Variants in NFXL1 observed in about 807,000 individuals in gnomAD.
NFXL1 encodes the protein nuclear transcription factor, X-box binding like 1, also known as NF-X1-type zinc finger protein NFXL1.
Under a neutral mutation model 123.3 loss-of-function variants are expected in NFXL1, and 66 were observed. The observed-to-expected ratio is 0.54, with a 90% CI of 0.44 to 0.66. NFXL1 has a LOEUF of 0.66. NFXL1 is among the 30% of genes least tolerant of loss of function. The pLI, the probability that NFXL1 is intolerant of heterozygous loss-of-function variation, is 0.00. For synonymous variants in NFXL1, 346 were observed against 360.8 expected, an observed-to-expected ratio of 0.96 and a Z score of 0.46; for missense variants, 944 against 1,125.6, an observed-to-expected ratio of 0.84 and a Z score of 2.31.
At chr4:47,899,923 A>G (rs1294909549) in intron 5 of NFXL1, among the ~76,000 whole-genome samples, 3 of 152,238 alleles carry the variant, frequency 2.0e-5, no homozygotes, top group Non-Finnish European at 2.9e-5. Flanking sequence ...TAAACAGCAC[A>G]TATCTAGAAT....
At chr4:47,906,619 C>T (rs140842591) in intron 3 of NFXL1, among the ~76,000 whole-genome samples, 169 of 152,074 alleles carry the variant, frequency 1.1e-3, no homozygotes, top group Middle Eastern at 0.01. Context: ...TAGTATGGGG[C>T]GCCTATTTTG....
chr4:47,913,055 C>T (rs1362285907), intron 2 of NFXL1, among the ~76,000 whole-genome samples: 1 of 149,264 alleles, frequency 6.7e-6, no homozygotes, highest in Non-Finnish European at 1.5e-5. Flanking sequence ...CCTGTTCACA[C>T]GTCTCCATAT....
intron 22 of NFXL1, among the ~76,000 whole-genome samples, chr4:47,850,411 G>A (rs968736321): frequency 4.6e-5 from 7 of 152,040 alleles, no homozygotes; most frequent in African/African-American, 1.7e-4. Context: ...CATAAAGGCA[G>A]TAGCTTAGCA....
chr4:47,895,303 T>C (rs916093248), intron 10 of NFXL1, among the ~76,000 whole-genome samples: 1 of 152,196 alleles, frequency 6.6e-6, no homozygotes, highest in African/African-American at 2.4e-5. Flanking sequence ...ATCAGCTACA[T>C]TAGCCCTTAA....
At chr4:47,892,868 A>C (rs79485151) in intron 11 of NFXL1, among the ~76,000 whole-genome samples, 3 of 152,198 alleles carry the variant, frequency 2.0e-5, no homozygotes, top group Admixed American at 1.3e-4. Context: ...ACATAACCCC[A>C]AAAAAGCAGA....
chr4:47,907,052 C>A (rs890337716), intron 3 of NFXL1, among the ~76,000 whole-genome samples: 1 of 152,196 alleles, frequency 6.6e-6, no homozygotes, highest in Non-Finnish European at 1.5e-5. Context: ...ATCTACCTCA[C>A]AATTATCATA....
At chr4:47,878,696 A>T (rs950044285) in intron 16 of NFXL1, 31 bp from the exon 17 acceptor site, 1 of 1,447,494 alleles carries the variant, frequency 6.9e-7, no homozygotes, top group Non-Finnish European at 9.1e-7. Flanking sequence ...AGCACAGCAC[A>T]CATTACTCAA....
chr4:47,905,821 A>AAGAC (rs1737545042), intron 3 of NFXL1, among the ~76,000 whole-genome samples: 1 of 152,138 alleles, frequency 6.6e-6, no homozygotes, highest in African/African-American at 2.4e-5. Flanking sequence ...GTTGAATGAA[A>AAGAC]AGACCCTGAG....
chr4:47,869,359 G>A (rs74777537), intron 18 of NFXL1, among the ~76,000 whole-genome samples: 2,590 of 152,134 alleles, frequency 0.017, 74 homozygotes, highest in African/African-American at 0.059. Flanking sequence ...CTGATTTTAC[G>A]ATATTACATC....
At chr4:47,878,690 C>T (rs376898100) in intron 16 of NFXL1, 25 bp from the exon 17 acceptor site, 11 of 1,480,596 alleles carry the variant, frequency 7.4e-6, no homozygotes, top group East Asian at 4.9e-5. Context: ...GAAATCAGCA[C>T]AGCACACATT....
chr4:47,858,204 A>G (rs1734518293), intron 19 of NFXL1, among the ~76,000 whole-genome samples: 1 of 152,206 alleles, frequency 6.6e-6, no homozygotes, highest in Admixed American at 6.5e-5. Flanking sequence ...AAAAATAAAA[A>G]ATGCTGACCA....
At chr4:47,878,817 C>T (rs897355161) in intron 16 of NFXL1, 152 bp from the exon 17 acceptor site, 6 of 556,778 alleles carry the variant, frequency 1.1e-5, no homozygotes, top group Middle Eastern at 5.9e-4. Flanking sequence ...ATCAAAGTAA[C>T]CTGTCAAAAT....
intron 22 of NFXL1, among the ~76,000 whole-genome samples, chr4:47,850,506 T>A (rs904163375): frequency 2.0e-5 from 3 of 152,016 alleles, no homozygotes; most frequent in Non-Finnish European, 4.4e-5. Context: ...TATTAGAAAG[T>A]CAAGCCACTC....
chr4:47,910,976 T>G lies in NFXL1; in HGVS notation c.254A>C (p.Lys85Thr). 6.3e-7 allele frequency: 1 copy of G among 1,597,588 alleles called. No homozygotes were observed. The highest frequency in any genetic ancestry group is 8.5e-7 in the Non-Finnish European group (1 of 1,173,538). ...GTTAGCTTTCTTGATTTCTTCAAAT[T>G]TTTTCTGAGACATTAGCTCTGTTTA... is the stretch of plus-strand genomic sequence containing the variant. Reference protein sequence around the residue: ...TAASELMSQKKFEEIKKANQA... With the variant: ...TAASELMSQKTFEEIKKANQA... Residue 85 changes from lysine (K) to threonine (T), a missense_variant, in exon 3 of 23, where the codon AAA becomes ACA. This residue lies in a region of NFXL1 where 303 missense variants were observed against 292.1 expected (regional missense o/e 1.04). Coordinates refer to ENST00000507489, the MANE Select transcript of NFXL1 (RefSeq NM_001278624.2).
intron 18 of NFXL1, among the ~76,000 whole-genome samples, chr4:47,866,547 CA>C (rs796511550): frequency 6.6e-6 from 1 of 152,078 alleles, no homozygotes; most frequent in South Asian, 2.1e-4. Context: ...ATCTCCCACC[CA>C]AAAAAAGAAG....
At chr4:47,884,897 C>G (rs1406449876) in intron 14 of NFXL1, among the ~76,000 whole-genome samples, 2 of 151,986 alleles carry the variant, frequency 1.3e-5, no homozygotes, top group African/African-American at 4.8e-5. Flanking sequence ...GAGGCGGAGG[C>G]GGGCAGATCA....
At chr4:47,885,119 C>T (rs113616745) in intron 14 of NFXL1, among the ~76,000 whole-genome samples, 105 of 144,068 alleles carry the variant, frequency 7.3e-4, no homozygotes, top group African/African-American at 2.4e-3. Context: ...AGTGAGACTC[C>T]GTCTCAAAAA....
chr4:47,884,511 T>G, intron 14 of NFXL1, 74 bp from the exon 15 acceptor site: 1 of 878,640 alleles, frequency 1.1e-6, no homozygotes, highest in Non-Finnish European at 1.8e-6. Context: ...TCTAAGAAAA[T>G]AGTTCCATGT....
At chr4:47,901,390 CA>C (rs1183347789) in intron 5 of NFXL1, among the ~76,000 whole-genome samples, 1 of 152,056 alleles carries the variant, frequency 6.6e-6, no homozygotes, top group Non-Finnish European at 1.5e-5. Flanking sequence ...GTTAACAGTA[CA>C]TTTTTTTTAA....
Sources: gnomAD v4.1 joint callset for allele counts (sites outside exome capture counted in the v4.1 genomes callset) on GRCh38, gnomAD v4.1.1 for gene constraint, gnomAD v4.1.1 regional missense constraint, MANE v1.5 for transcripts, NCBI Gene and HGNC (gene_info 2026-07-23, HGNC 2026-07-21) for gene names.